The following CDK9 variants were observed in gnomAD, a reference collection of about 807,000 sequenced individuals.
The protein encoded by CDK9 is cyclin-dependent kinase 9.
CDK9 carries 34 observed loss-of-function variants against 39.0 expected under a neutral mutation model. The observed-to-expected ratio is 0.87, with a 90% confidence interval of 0.66 to 1.16. CDK9 has a LOEUF of 1.16. Among genes scored for constraint, CDK9 ranks in the 50% most tolerant of loss-of-function variants. CDK9 has a pLI of 0.00. For missense variants in CDK9, 369 were observed against 503.2 expected, an observed-to-expected ratio of 0.73 and a Z score of 2.55; for synonymous variants, 233 against 196.2, an observed-to-expected ratio of 1.19 and a Z score of -1.57.
chr9:127,788,163 C>T, intron 4 of CDK9, 50 bp downstream of exon 4: 1 of 1,613,366 alleles, frequency 6.2e-7, no homozygotes. Flanking sequence ...GGTCTTGGCT[C>T]CCACTCCCGG....
In CDK9 at chr9:127,789,281, C is replaced by T. The variant is rs1564433598; in HGVS notation, c.857C>T (p.Pro286Leu). The T allele has an allele frequency of 6.2e-6, 10 of 1,613,896 alleles. No homozygotes were observed. Among genetic ancestry groups the T allele is most frequent in the South Asian group, 1.1e-5 (1 of 91,082 alleles). ...AGGCTGAAGGCCTATGTGCGTGACC[C>T]ATACGCACTGGACCTCATCGACAAG... ...KDRLKAYVRD[P>L]YALDLIDKLL... Residue 286 changes from proline (P) to leucine (L), a missense_variant, in exon 7 of 7, where the codon CCA becomes CTA. Pro to Leu is a moderately conservative substitution (Grantham distance 98). Transcript: ENST00000373264. The surrounding 1 kb of genome is among the most constrained non-coding windows in gnomAD (Gnocchi z 5.2).
At chr9:127,787,191 C>T (rs1325714893) in intron 2 of CDK9, among the ~76,000 whole-genome samples, 2 of 152,240 alleles carry the variant, frequency 1.3e-5, no homozygotes, top group Admixed American at 6.5e-5. Flanking sequence ...CATAAACCTT[C>T]TTTTGCGTAA....
rs1407576537 is a variant in CDK9 at position 127,789,564 on chromosome 9, G to A, written c.*21G>A. ...TCTGAGGGCCGGCGCTTGCCACTAG[G>A]GCTCTTGTGTTTTTTTTCTTCTGCT... On this transcript the variant is annotated 3_prime_UTR_variant, in exon 7 of 7. Coordinates refer to ENST00000373264, the MANE Select transcript of CDK9 (RefSeq NM_001261.4). This position sits in a 1 kb window ranked among gnomAD's most constrained non-coding sequence, Gnocchi z 5.2. 1.9e-6 allele frequency: 3 copies of A among 1,603,976 alleles called. No individual in the cohort carries two copies. Among genetic ancestry groups the A allele is most frequent in the East Asian group, 4.5e-5 (2 of 44,740 alleles).
chr9:127,786,839 GT>G, intron 2 of CDK9, 57 bp downstream of exon 2: 1 of 1,447,992 alleles, frequency 6.9e-7, no homozygotes, highest in Non-Finnish European at 9.6e-7. Flanking sequence ...CCCCGGGTCG[GT>G]TTTCCACCCT....
rs769930999 is a variant in CDK9, at chr9:127,789,190, G to A, written c.766G>A (p.Val256Met). ...GSITPEVWPN[V>M]DNYELYEKLE... ...CCCTCCCTCCCAGGTGTGGCCAAAC[G>A]TGGACAACTATGAGCTGTACGAAAA... The change falls in exon 7 of 7, where the codon GTG becomes ATG. Residue 256 changes from valine to methionine, a missense_variant. By Grantham distance (21) the Val-to-Met change is conservative. Coordinates refer to ENST00000373264, the MANE Select transcript of CDK9 (RefSeq NM_001261.4). The surrounding 1 kb of genome is among the most constrained non-coding windows in gnomAD (Gnocchi z 5.2). 12 of 1,579,052 alleles carry A rather than the reference G, an allele frequency of 7.6e-6. No individual in the cohort carries two copies. Among genetic ancestry groups the A allele is most frequent in the Non-Finnish European group, 8.6e-6 (10 of 1,158,030 alleles).
intron 4 of CDK9, 34 bp downstream of exon 4, chr9:127,788,147 T>G (rs1395431662): frequency 6.2e-7 from 1 of 1,613,518 alleles, no homozygotes; most frequent in African/African-American, 1.3e-5. Context: ...GACCCAGGCT[T>G]GGGCTGGTCT....
rs1046387553 is a variant in CDK9, at chr9:127,789,631, C to T, written c.*88C>T. The stretch of plus-strand genomic sequence containing the variant: ...GGAGACAGGGCATTTGAGTTTATAT[C>T]TCTCATGCATATTTTATTTAATCCC... On this transcript the variant is annotated 3_prime_UTR_variant, in exon 7 of 7. Transcript: ENST00000373264. The surrounding 1 kb of genome is among the most constrained non-coding windows in gnomAD (Gnocchi z 5.2). 9 of 1,491,718 alleles carry T rather than the reference C, an allele frequency of 6.0e-6. No homozygotes were observed. Among genetic ancestry groups the T allele is most frequent in the South Asian group, 1.3e-5 (1 of 77,900 alleles). The allele number at this position is 1,491,718 out of a possible 1,614,324, so 92.4% of individuals were successfully genotyped here.
At position 127,788,591 on chromosome 9, in the gene CDK9, A is replaced by C; in HGVS notation, c.652A>C (p.Ile218Leu). The C allele has an allele frequency of 1.3e-6, 2 of 1,592,228 alleles. No homozygotes were observed. The highest frequency in any genetic ancestry group is 2.3e-5 in the South Asian group (2 of 87,878). The change falls in exon 6 of 7, where the codon ATC becomes CTC. Residue 218 changes from isoleucine to leucine, a missense_variant. By Grantham distance (5) the Ile-to-Leu change is conservative. Coordinates refer to ENST00000373264, the MANE Select transcript of CDK9 (RefSeq NM_001261.4). ...CATTGACCTGTGGGGTGCTGGGTGCATCATGGCAGAGATGTGGACCCGCAG... is the reference window on the plus strand; with the variant it reads ...CATTGACCTGTGGGGTGCTGGGTGCCTCATGGCAGAGATGTGGACCCGCAG... ...PPIDLWGAGC[I>L]MAEMWTRSPI...
chr9:127,786,349 C>A, intron 1 of CDK9, 109 bp downstream of exon 1: 1 of 946,396 alleles, frequency 1.1e-6, no homozygotes, highest in Non-Finnish European at 1.6e-6. Flanking sequence ...TGTCCCCGGG[C>A]TTGCCTGCTG....
intron 3 of CDK9, 136 bp downstream of exon 3, chr9:127,787,744 T>C (rs1829356448): frequency 1.2e-6 from 1 of 849,208 alleles, no homozygotes; most frequent in Non-Finnish European, 1.9e-6. Flanking sequence ...TGGTCCTCTT[T>C]CATCGTAGCT....
In CDK9 at chr9:127,789,746, G is replaced by T. The variant is rs1203472626; in HGVS notation, c.*203G>T. The T allele has an allele frequency of 5.8e-6, 4 of 687,070 alleles. No individual in the cohort carries two copies. Among genetic ancestry groups the T allele is most frequent in the Non-Finnish European group, 9.5e-6 (4 of 422,772 alleles). 42.6% of individuals were successfully genotyped at this position (687,070 alleles called of 1,614,324 possible). A position where few individuals can be genotyped will look rare whatever the true frequency, so the allele number is the denominator to read the frequency against. ...AGGGCACTGGAGCTGTCTTGTCCTT[G>T]CTGGTTTTCTGGATGGTTCCCAGAG... On this transcript the variant is annotated 3_prime_UTR_variant, in exon 7 of 7. Coordinates refer to ENST00000373264, the MANE Select transcript of CDK9 (RefSeq NM_001261.4). The surrounding 1 kb of genome is among the most constrained non-coding windows in gnomAD (Gnocchi z 5.2).
chr9:127,787,526 T>A lies in CDK9; in HGVS notation c.183T>A (p.Ile61=). Residue 61 remains isoleucine, a synonymous_variant, in exon 3 of 7, where the codon ATT becomes ATA. Coordinates refer to ENST00000373264, the MANE Select transcript of CDK9 (RefSeq NM_001261.4). Reference sequence around the variant, plus strand: ...CCCTCTTTCTCACCCAGTTCCCCATTACAGCCTTGCGGGAGATCAAGATCC... The same window carrying A: ...CCCTCTTTCTCACCCAGTTCCCCATAACAGCCTTGCGGGAGATCAAGATCC... The part of the protein sequence containing the change: ...LMENEKEGFP[I]TALREIKILQ... The A allele has an allele frequency of 1.9e-6, 3 of 1,612,138 alleles. No individual in the cohort carries two copies. The highest frequency in any genetic ancestry group is 1.3e-5 in the African/African-American group (1 of 74,990).
In CDK9 at chr9:127,787,508, T is replaced by A; in HGVS notation, c.175-10T>A. On this transcript the variant is annotated splice_polypyrimidine_tract_variant and intron_variant, in intron 2 of 6. Coordinates refer to ENST00000373264, the MANE Select transcript of CDK9 (RefSeq NM_001261.4). The stretch of plus-strand genomic sequence containing the variant: ...TCACTCTTGACCACTTTCCCCTCTT[T>A]CTCACCCAGTTCCCCATTACAGCCT... The A allele has an allele frequency of 6.2e-7, 1 of 1,604,612 alleles. No individual in the cohort carries two copies. The highest frequency in any genetic ancestry group is 8.5e-7 in the Non-Finnish European group (1 of 1,171,482).
rs1829383888 is a variant in CDK9, at chr9:127,789,106, G to A, written c.754-72G>A. 7.3e-6 allele frequency: 11 copies of A among 1,499,722 alleles called. No homozygotes were observed. The highest frequency in any genetic ancestry group is 1.4e-5 in the African/African-American group (1 of 71,438). 92.9% of individuals were successfully genotyped at this position (1,499,722 alleles called of 1,614,324 possible). A position where few individuals can be genotyped will look rare whatever the true frequency, so the allele number is the denominator to read the frequency against. On this transcript the variant is annotated intron_variant, in intron 6 of 6. Coordinates refer to ENST00000373264, the MANE Select transcript of CDK9 (RefSeq NM_001261.4). The surrounding 1 kb of genome is among the most constrained non-coding windows in gnomAD (Gnocchi z 5.2). ...GGAGCAGGTATTTTAGTCCTTTTAGGCCTTTATGAAGGGATAAGCCACGCA... is the reference window on the plus strand; with the variant it reads ...GGAGCAGGTATTTTAGTCCTTTTAGACCTTTATGAAGGGATAAGCCACGCA...
In CDK9 at chr9:127,789,573, GT is replaced by G. The variant is rs749282983; in HGVS notation, c.*38del. On this transcript the variant is annotated 3_prime_UTR_variant, in exon 7 of 7. Coordinates refer to ENST00000373264, the MANE Select transcript of CDK9 (RefSeq NM_001261.4). This position sits in a 1 kb window ranked among gnomAD's most constrained non-coding sequence, Gnocchi z 5.2. The stretch of plus-strand genomic sequence containing the variant: ...CGGCGCTTGCCACTAGGGCTCTTGT[GT>G]TTTTTTTCTTCTGCTATGTGACTTG... The G allele has an allele frequency of 1.2e-5, 19 of 1,598,814 alleles. No homozygotes were observed. The highest frequency in any genetic ancestry group is 8.1e-5 in the African/African-American group (6 of 74,384).
At chr9:127,787,648 C>A (rs936276551) in intron 3 of CDK9, 40 bp downstream of exon 3, 2 of 1,450,740 alleles carry the variant, frequency 1.4e-6, no homozygotes, top group Non-Finnish European at 1.9e-6. Context: ...ACACTTGTAG[C>A]CTAAGGTTTT....
chr9:127,788,090 C>T lies in CDK9; in HGVS notation c.409C>T (p.Leu137Phe). The T allele has an allele frequency of 1.2e-6, 2 of 1,614,222 alleles. No homozygotes were observed. Among genetic ancestry groups the T allele is most frequent in the Non-Finnish European group, 1.7e-6 (2 of 1,180,044 alleles). ...GGTGATGCAGATGCTGCTTAACGGCCTCTACTACATCCACAGAAACAAGGT... is the reference window on the plus strand; with the variant it reads ...GGTGATGCAGATGCTGCTTAACGGCTTCTACTACATCCACAGAAACAAGGT... Reference protein sequence around the residue: ...KRVMQMLLNGLYYIHRNKILH... With the variant: ...KRVMQMLLNGFYYIHRNKILH... The change falls in exon 4 of 7, where the codon CTC becomes TTC. Residue 137 changes from leucine to phenylalanine, a missense_variant. Coordinates refer to ENST00000373264, the MANE Select transcript of CDK9 (RefSeq NM_001261.4).
In CDK9 at chr9:127,789,274, C is replaced by T. The variant is rs370938433; in HGVS notation, c.850C>T (p.Arg284Cys). The T allele has an allele frequency of 6.2e-7, 1 of 1,613,950 alleles. No individual in the cohort carries two copies. Among genetic ancestry groups the T allele is most frequent in the Non-Finnish European group, 8.5e-7 (1 of 1,179,998 alleles). The change falls in exon 7 of 7, where the codon CGT (arginine) becomes TGT (cysteine). Residue 284 changes from arginine to cysteine, a missense_variant. Arg to Cys is a radical substitution (Grantham distance 180). Coordinates refer to ENST00000373264, the MANE Select transcript of CDK9 (RefSeq NM_001261.4). This position sits in a 1 kb window ranked among gnomAD's most constrained non-coding sequence, Gnocchi z 5.2. ...KVKDRLKAYV[R>C]DPYALDLIDK... ...GAAGGACAGGCTGAAGGCCTATGTG[C>T]GTGACCCATACGCACTGGACCTCAT...
At chr9:127,786,382 C>T (rs1399720248) in intron 1 of CDK9, 142 bp downstream of exon 1, 2 of 760,592 alleles carry the variant, frequency 2.6e-6, no homozygotes, top group East Asian at 2.8e-5. Context: ...CGCCGCACCC[C>T]GCCCCGGCCT....
Sources: allele counts gnomAD v4.1 joint callset (sites outside exome capture counted in the v4.1 genomes callset), GRCh38; gene constraint gnomAD v4.1.1; non-coding constraint Gnocchi (gnomAD v3.1); transcripts MANE v1.5; gene names NCBI Gene and HGNC (gene_info 2026-07-23, HGNC 2026-07-21).